COL22A1: variants seen among roughly 807,000 people sequenced by gnomAD.
COL22A1 encodes the protein collagen alpha-1(XXII) chain.
A neutral mutation model predicts 248.9 loss-of-function variants in COL22A1; 221 were observed. The observed-to-expected ratio is 0.89, with a 90% CI of 0.80 to 0.99. The LOEUF is 0.99. COL22A1 is among the 50% of genes least tolerant of loss of function. The pLI is 0.00. For synonymous variants in COL22A1, 891 were observed against 793.4 expected, an observed-to-expected ratio of 1.12 and a Z score of -2.07; for missense variants, 2,240 against 2,179.0, an observed-to-expected ratio of 1.03 and a Z score of -0.56.
At chr8:138,616,825 C>T in intron 54 of COL22A1, 89 bp downstream of exon 54, 2 of 1,486,558 alleles carry the variant, frequency 1.3e-6, no homozygotes, top group African/African-American at 1.4e-5. Context: ...TAAGGCACTG[C>T]CATGGCCTGC....
intron 12 of COL22A1, among the ~76,000 whole-genome samples, chr8:138,791,837 C>T (rs1450975977): frequency 1.3e-5 from 2 of 152,072 alleles, no homozygotes; most frequent in Non-Finnish European, 2.9e-5. Context: ...GTTTCTGTGA[C>T]CCAAAATTCT....
chr8:138,636,830 T>A (rs1472893252), intron 47 of COL22A1, 35 bp from the exon 48 acceptor site: 20 of 1,553,670 alleles, frequency 1.3e-5, no homozygotes, highest in Non-Finnish European at 1.8e-5. Flanking sequence ...AAGATGTCAC[T>A]GGAAATTTTA....
intron 16 of COL22A1, among the ~76,000 whole-genome samples, chr8:138,775,638 G>A (rs914371925): frequency 5.9e-5 from 9 of 152,124 alleles, no homozygotes; most frequent in African/African-American, 2.2e-4. Flanking sequence ...GGCAGCAACT[G>A]GGACTTTGGA....
chr8:138,900,991 T>C (rs150819649), intron 1 of COL22A1, among the ~76,000 whole-genome samples: 42 of 152,308 alleles, frequency 2.8e-4, no homozygotes, highest in East Asian at 1.9e-3. Context: ...CGATATATCA[T>C]TGATGAGATT....
intron 1 of COL22A1, among the ~76,000 whole-genome samples, chr8:138,908,925 A>T (rs889527537): frequency 2.0e-5 from 3 of 152,186 alleles, no homozygotes; most frequent in Non-Finnish European, 2.9e-5. Context: ...TTGCCTTAGG[A>T]GGTAGCAATC....
At chr8:138,826,978 AC>A (rs1819636729) in intron 5 of COL22A1, among the ~76,000 whole-genome samples, 197 bp from the exon 6 acceptor site, 1 of 151,394 alleles carries the variant, frequency 6.6e-6, no homozygotes, top group Non-Finnish European at 1.5e-5. Flanking sequence ...CATCGTCATG[AC>A]CCCCGAGGCT....
intron 60 of COL22A1, among the ~76,000 whole-genome samples, chr8:138,601,813 T>A (rs1057450389): frequency 6.6e-6 from 1 of 152,162 alleles, no homozygotes; most frequent in Non-Finnish European, 1.5e-5. Flanking sequence ...AATCTGTCAA[T>A]GTCTCCCAAG....
chr8:138,773,960 C>T (rs928922760), intron 16 of COL22A1, among the ~76,000 whole-genome samples: 1 of 152,128 alleles, frequency 6.6e-6, no homozygotes, highest in Admixed American at 6.5e-5. Flanking sequence ...GAAATAAGAC[C>T]CCTGCTCCCT....
chr8:138,791,581 T>A (rs1816044599), intron 12 of COL22A1, among the ~76,000 whole-genome samples: 1 of 152,208 alleles, frequency 6.6e-6, no homozygotes, highest in African/African-American at 2.4e-5. Context: ...AGCTTCTTAT[T>A]TGTTTAGCAA....
chr8:138,770,710 G>A (rs1342966037), intron 16 of COL22A1, among the ~76,000 whole-genome samples: 2 of 152,206 alleles, frequency 1.3e-5, no homozygotes, highest in Non-Finnish European at 2.9e-5. Flanking sequence ...GCTGAAAAGG[G>A]GTGTTCGGCA....
At chr8:138,756,413 C>A (rs569623473) in intron 18 of COL22A1, among the ~76,000 whole-genome samples, 1 of 152,110 alleles carries the variant, frequency 6.6e-6, no homozygotes, top group Non-Finnish European at 1.5e-5. Context: ...GTGGCCTGAC[C>A]GGATGTTCCA....
intron 30 of COL22A1, among the ~76,000 whole-genome samples, chr8:138,710,542 G>C (rs564453569): frequency 6.6e-6 from 1 of 151,926 alleles, no homozygotes; most frequent in Non-Finnish European, 1.5e-5. Flanking sequence ...CCTGGTTTAA[G>C]TAGTTTCCAT....
At chr8:138,596,805 G>T (rs1817571319) in intron 62 of COL22A1, 99 bp downstream of exon 62, 2 of 1,106,214 alleles carry the variant, frequency 1.8e-6, no homozygotes, top group Non-Finnish European at 2.7e-6. Context: ...CCGGTCAAGT[G>T]CTTTTCTTAT....
intron 3 of COL22A1, among the ~76,000 whole-genome samples, chr8:138,871,394 T>A (rs2132012464): frequency 6.6e-6 from 1 of 152,324 alleles, no homozygotes; most frequent in Non-Finnish European, 1.5e-5. Context: ...TTGCAGTCCC[T>A]GTTCCCCGGG....
intron 16 of COL22A1, among the ~76,000 whole-genome samples, chr8:138,771,076 C>T (rs1030982805): frequency 6.6e-6 from 1 of 152,182 alleles, no homozygotes; most frequent in Non-Finnish European, 1.5e-5. Context: ...CGCAGAGCCC[C>T]GAGCTGGGAT....
intron 10 of COL22A1, among the ~76,000 whole-genome samples, chr8:138,806,691 G>T (rs1251265347): frequency 6.6e-6 from 1 of 152,166 alleles, no homozygotes; most frequent in Admixed American, 6.5e-5. Context: ...GGGACCACCT[G>T]CAACGTGCAG....
chr8:138,825,230 C>G lies in COL22A1; in HGVS notation c.969+1428G>C, dbSNP rs975919589. ...TCCTCCATTCAGCCTTCCACACTTA[C>G]AAAATCAAGCCTCTCAGCAGTTAGT... On this transcript the variant is annotated intron_variant, in intron 6 of 64. Transcript: ENST00000303045. Among the ~76,000 whole-genome samples the G allele has an allele frequency of 3.9e-5, 6 of 152,320 alleles. No individual in the cohort carries two copies. The East Asian group carries it at 9.7e-4, about 25-fold the overall frequency.
At chr8:138,837,644 CCTCT>C (rs758780246) in intron 4 of COL22A1, among the ~76,000 whole-genome samples, 1 of 152,140 alleles carries the variant, frequency 6.6e-6, no homozygotes, top group Non-Finnish European at 1.5e-5. Context: ...TGTATTGGGG[CCTCT>C]GTGTCTGGAA....
chr8:138,612,319 C>T (rs900907334), intron 56 of COL22A1, among the ~76,000 whole-genome samples: 4 of 152,118 alleles, frequency 2.6e-5, no homozygotes, highest in African/African-American at 4.8e-5. Context: ...ATAATTTATG[C>T]TTTTCTCTTT....
Sources: allele counts gnomAD v4.1 joint callset (sites outside exome capture counted in the v4.1 genomes callset), GRCh38; gene constraint gnomAD v4.1.1; transcripts MANE v1.5; gene names NCBI Gene and HGNC (gene_info 2026-07-23, HGNC 2026-07-21).